The following COBL variants were observed in gnomAD, a reference collection of about 807,000 sequenced individuals.
The protein encoded by COBL is protein cordon-bleu.
COBL carries 51 observed loss-of-function variants against 98.8 expected under a neutral mutation model. That is an observed-to-expected ratio of 0.52 (90% CI 0.41 to 0.65). The LOEUF is 0.65. Ranked by LOEUF, COBL falls within the 30% of genes least tolerant of loss-of-function variation. The pLI, the probability that COBL is intolerant of heterozygous loss-of-function variation, is 0.00. For missense variants in COBL, 1,617 were observed against 1,617.5 expected, an observed-to-expected ratio of 1.00 and a Z score of 0.01; for synonymous variants, 634 against 651.7, an observed-to-expected ratio of 0.97 and a Z score of 0.41.
intron 1 of COBL, among the ~76,000 whole-genome samples, chr7:51,292,088 A>G (rs1187394207): frequency 6.6e-6 from 1 of 151,270 alleles, no homozygotes; most frequent in Non-Finnish European, 1.5e-5. Context: ...CGGAGGCTGT[A>G]GTGAGCCGAG....
Position 51,168,034 on chromosome 7 carries a change from T to C in COBL, c.783+16068A>G, listed in dbSNP as rs146069583. Among the ~76,000 whole-genome samples the C allele has an allele frequency of 1.6e-3, 243 of 152,232 alleles. 1 individual carries two copies. Among genetic ancestry groups the C allele is most frequent in the African/African-American group, 5.1e-3 (212 of 41,552 alleles). ...TTTCTTGAGCAGTACCCCACAAGTA[T>C]AGGCAACCAAAGCAAATATGAACAA... On this transcript the variant is annotated intron_variant, in intron 5 of 12. Coordinates refer to ENST00000265136, the MANE Select transcript of COBL (RefSeq NM_015198.5).
At chr7:51,164,276 T>C (rs1305395086) in intron 5 of COBL, among the ~76,000 whole-genome samples, 8 of 152,090 alleles carry the variant, frequency 5.3e-5, no homozygotes, top group South Asian at 2.1e-4. Context: ...AAGAAGGTAA[T>C]AGAATACCAA....
intron 5 of COBL, among the ~76,000 whole-genome samples, chr7:51,175,081 T>C (rs935708440): frequency 1.3e-5 from 2 of 152,218 alleles, no homozygotes; most frequent in Non-Finnish European, 2.9e-5. Flanking sequence ...GGGCTGCCCT[T>C]TCCACTGCTC....
intron 6 of COBL, among the ~76,000 whole-genome samples, chr7:51,118,793 C>T (rs1797506614): frequency 6.6e-6 from 1 of 152,066 alleles, no homozygotes; most frequent in South Asian, 2.1e-4. Context: ...AAGCCTATGT[C>T]CTCCAAATAT....
intron 1 of COBL, among the ~76,000 whole-genome samples, chr7:51,312,592 C>T (rs1393200432): frequency 6.6e-6 from 1 of 152,138 alleles, no homozygotes; most frequent in Non-Finnish European, 1.5e-5. Context: ...ATCCTATAAT[C>T]ATTGTTTTCT....
At chr7:51,161,170 G>A (rs1786764780) in intron 5 of COBL, among the ~76,000 whole-genome samples, 1 of 152,108 alleles carries the variant, frequency 6.6e-6, no homozygotes, top group African/African-American at 2.4e-5. Flanking sequence ...TCCAGGCCCA[G>A]AAAAGCTCGC....
intron 5 of COBL, among the ~76,000 whole-genome samples, chr7:51,149,413 A>T (rs1785349149): frequency 6.6e-6 from 1 of 151,984 alleles, no homozygotes. Flanking sequence ...TACAAGCAAA[A>T]CCCCATCCCT....
intron 6 of COBL, among the ~76,000 whole-genome samples, chr7:51,101,517 G>C (rs1434135456): frequency 1.3e-5 from 2 of 152,210 alleles, no homozygotes; most frequent in African/African-American, 4.8e-5. Context: ...GCTTTGGTTT[G>C]ACTCTAAGCC....
At chr7:51,089,024 G>C (rs962987988) in intron 6 of COBL, among the ~76,000 whole-genome samples, 1 of 152,150 alleles carries the variant, frequency 6.6e-6, no homozygotes, top group African/African-American at 2.4e-5. Context: ...GGGCAGGCAG[G>C]GGTATGGAGA....
intron 7 of COBL, among the ~76,000 whole-genome samples, chr7:51,052,061 G>A (rs1048476276): frequency 7.9e-5 from 12 of 152,072 alleles, no homozygotes; most frequent in African/African-American, 2.7e-4. Flanking sequence ...ACCACATAAC[G>A]GTAATTGGGT....
At chr7:51,211,466 G>A (rs1357791186) in intron 2 of COBL, among the ~76,000 whole-genome samples, 3 of 152,170 alleles carry the variant, frequency 2.0e-5, no homozygotes, top group Admixed American at 6.5e-5. Context: ...TTAAGGCACC[G>A]AGCACAGTGC....
At chr7:51,283,057 T>C (rs1278439016) in intron 1 of COBL, among the ~76,000 whole-genome samples, 1 of 152,188 alleles carries the variant, frequency 6.6e-6, no homozygotes, top group Non-Finnish European at 1.5e-5. Context: ...GAGCATTAAC[T>C]GCGTATATAA....
chr7:51,186,303 G>GT (rs1789500375), intron 4 of COBL, among the ~76,000 whole-genome samples: 2 of 152,190 alleles, frequency 1.3e-5, no homozygotes, highest in Admixed American at 6.5e-5. Context: ...TGACCCCATC[G>GT]TAAGTCCAGG....
intron 7 of COBL, among the ~76,000 whole-genome samples, chr7:51,067,298 T>C (rs1174748385): frequency 1.3e-5 from 2 of 152,270 alleles, no homozygotes; most frequent in African/African-American, 2.4e-5. Flanking sequence ...TAGATGTGCA[T>C]GTATGCATGA....
At chr7:51,158,314 T>C (rs1008687956) in intron 5 of COBL, among the ~76,000 whole-genome samples, 4 of 152,178 alleles carry the variant, frequency 2.6e-5, no homozygotes, top group African/African-American at 9.7e-5. Context: ...ACCCTCAAGG[T>C]GCAGTTTATG....
At chr7:51,077,033 A>G (rs1793149500) in intron 7 of COBL, among the ~76,000 whole-genome samples, 1 of 152,224 alleles carries the variant, frequency 6.6e-6, no homozygotes, top group Non-Finnish European at 1.5e-5. Flanking sequence ...CAATGCACTA[A>G]GGGAATAGGC....
chr7:51,018,905 A>AATATATATATAT (rs71018490), intron 12 of COBL, among the ~76,000 whole-genome samples: 4 of 34,434 alleles, frequency 1.2e-4, no homozygotes, highest in African/African-American at 3.8e-4. Context: ...AAAAAAAAAA[A>AATATATATATAT]ATATATATAT....
At chr7:51,097,223 C>T (rs1429579666) in intron 6 of COBL, among the ~76,000 whole-genome samples, 1 of 152,078 alleles carries the variant, frequency 6.6e-6, no homozygotes, top group Non-Finnish European at 1.5e-5. Flanking sequence ...CAGTGAAAGA[C>T]AAAAACCATA....
chr7:51,048,495 G>A (rs1310472435), intron 7 of COBL, among the ~76,000 whole-genome samples: 1 of 151,988 alleles, frequency 6.6e-6, no homozygotes, highest in Non-Finnish European at 1.5e-5. Context: ...TCATGCCCAG[G>A]CCCCTCCACG....
Sources: allele counts gnomAD v4.1 joint callset (sites outside exome capture counted in the v4.1 genomes callset), GRCh38; gene constraint gnomAD v4.1.1; transcripts MANE v1.5; gene names NCBI Gene and HGNC (gene_info 2026-07-23, HGNC 2026-07-21).